Variants in MNAT1 observed in about 807,000 individuals in gnomAD.
MNAT1 encodes the protein MNAT1 component of CDK activating kinase.
MNAT1 carries 43 observed loss-of-function variants against 42.0 expected under a neutral mutation model. That is an observed-to-expected ratio of 1.02 (90% confidence interval 0.80 to 1.32). The LOEUF (loss-of-function observed/expected upper bound fraction) is 1.32. MNAT1 is among the 40% of genes most tolerant of loss of function. The pLI, the probability that MNAT1 is intolerant of heterozygous loss-of-function variation, is 0.00. For missense variants in MNAT1, 306 were observed against 350.4 expected, an observed-to-expected ratio of 0.87 and a Z score of 1.01; for synonymous variants, 118 against 120.0, an observed-to-expected ratio of 0.98 and a Z score of 0.11.
intron 6 of MNAT1, among the ~76,000 whole-genome samples, chr14:60,869,721 C>T (rs908334560): frequency 2.0e-5 from 3 of 152,074 alleles, no homozygotes; most frequent in Non-Finnish European, 4.4e-5. Flanking sequence ...TGGTATAGAA[C>T]TGGATTTTCA....
intron 7 of MNAT1, among the ~76,000 whole-genome samples, chr14:60,955,341 C>A (rs1457141072): frequency 6.6e-6 from 1 of 151,934 alleles, no homozygotes; most frequent in Non-Finnish European, 1.5e-5. Context: ...AGGTTCTAAG[C>A]TTTTCTTTAA....
At chr14:60,864,089 A>G (rs1042303103) in intron 6 of MNAT1, among the ~76,000 whole-genome samples, 5 of 152,162 alleles carry the variant, frequency 3.3e-5, no homozygotes, top group African/African-American at 9.6e-5. Context: ...AGGTTGTAGC[A>G]CATCTCAGTA....
chr14:60,790,926 C>G, intron 1 of MNAT1, among the ~76,000 whole-genome samples: 1 of 151,890 alleles, frequency 6.6e-6, no homozygotes, highest in Middle Eastern at 3.2e-3. Flanking sequence ...AGTGTTATTC[C>G]ATAAAGGATT....
At chr14:60,756,866 G>C (rs887877126) in intron 1 of MNAT1, among the ~76,000 whole-genome samples, 1 of 152,162 alleles carries the variant, frequency 6.6e-6, no homozygotes, top group Non-Finnish European at 1.5e-5. Context: ...CAATCATGCT[G>C]TCTTGTATTT....
intron 6 of MNAT1, among the ~76,000 whole-genome samples, chr14:60,868,690 A>G (rs891505281): frequency 2.0e-5 from 3 of 152,168 alleles, no homozygotes; most frequent in African/African-American, 7.2e-5. Context: ...TGAATGGATG[A>G]TGAATGCCAC....
At chr14:60,954,365 T>C (rs896465961) in intron 7 of MNAT1, among the ~76,000 whole-genome samples, 6 of 152,208 alleles carry the variant, frequency 3.9e-5, no homozygotes, top group Non-Finnish European at 8.8e-5. Context: ...GAATAAGGAA[T>C]ATTTTTTCAT....
chr14:60,780,949 C>A (rs2140314098), intron 1 of MNAT1, among the ~76,000 whole-genome samples: 1 of 152,134 alleles, frequency 6.6e-6, no homozygotes, highest in Admixed American at 6.5e-5. Context: ...TAGCTTGACT[C>A]AGTATAGGTA....
chr14:60,786,191 G>A (rs2031645439), intron 1 of MNAT1, among the ~76,000 whole-genome samples: 1 of 151,902 alleles, frequency 6.6e-6, no homozygotes, highest in South Asian at 2.1e-4. Context: ...CTTTAAAAGG[G>A]CCTTTATACA....
At chr14:60,813,324 C>A (rs955717706) in intron 5 of MNAT1, among the ~76,000 whole-genome samples, 1 of 152,192 alleles carries the variant, frequency 6.6e-6, no homozygotes, top group Admixed American at 6.5e-5. Context: ...GACTCACCCA[C>A]GTGCTCCCTC....
At chr14:60,872,236 C>T (rs1029346332) in intron 6 of MNAT1, among the ~76,000 whole-genome samples, 1 of 152,186 alleles carries the variant, frequency 6.6e-6, no homozygotes, top group Non-Finnish European at 1.5e-5. Context: ...CTCACGTGAA[C>T]TAATAGAGAA....
intron 7 of MNAT1, among the ~76,000 whole-genome samples, chr14:60,914,751 A>T (rs1274239619): frequency 6.6e-6 from 1 of 152,188 alleles, no homozygotes; most frequent in African/African-American, 2.4e-5. Flanking sequence ...GGAGATTTAA[A>T]AAAGATATCC....
At chr14:60,766,708 C>CA (rs1002181574) in intron 1 of MNAT1, among the ~76,000 whole-genome samples, 121 of 151,382 alleles carry the variant, frequency 8.0e-4, no homozygotes, top group African/African-American at 2.1e-3. Flanking sequence ...GACTCCGTCT[C>CA]AAAAAAAACA....
At chr14:60,780,040 C>T (rs901375773) in intron 1 of MNAT1, 8 of 1,524,438 alleles carry the variant, frequency 5.2e-6, no homozygotes, top group African/African-American at 2.7e-5. Context: ...AAATCGTGGA[C>T]GAGTTCTTCT....
intron 1 of MNAT1, among the ~76,000 whole-genome samples, chr14:60,783,998 T>C (rs536528803): frequency 7.7e-4 from 117 of 151,814 alleles, no homozygotes; most frequent in African/African-American, 2.8e-3. Context: ...TAATTTACTT[T>C]TATTTTTTAT....
chr14:60,812,176 A>C, intron 5 of MNAT1, 49 bp downstream of exon 5: 2 of 1,467,138 alleles, frequency 1.4e-6, no homozygotes, highest in Non-Finnish European at 1.8e-6. Flanking sequence ...TTCAGGATTT[A>C]CCTTTCCTAG....
At chr14:60,931,645 T>C (rs2035885252) in intron 7 of MNAT1, among the ~76,000 whole-genome samples, 1 of 152,210 alleles carries the variant, frequency 6.6e-6, no homozygotes, top group African/African-American at 2.4e-5. Flanking sequence ...TGTAGATACA[T>C]ATCGTAGACC....
At chr14:60,959,183 CAA>C (rs1002867136) in intron 7 of MNAT1, among the ~76,000 whole-genome samples, 2 of 152,164 alleles carry the variant, frequency 1.3e-5, no homozygotes, top group African/African-American at 4.8e-5. Context: ...CAGCAGCCAG[CAA>C]AAGCCTGTTA....
chr14:60,817,246 C>T (rs1357993567), intron 5 of MNAT1, among the ~76,000 whole-genome samples: 1 of 151,600 alleles, frequency 6.6e-6, no homozygotes, highest in Non-Finnish European at 1.5e-5. Context: ...TTATAAAATT[C>T]TTAATGTAAA....
At chr14:60,869,616 G>T (rs2034284536) in intron 6 of MNAT1, among the ~76,000 whole-genome samples, 1 of 152,086 alleles carries the variant, frequency 6.6e-6, no homozygotes, top group Admixed American at 6.5e-5. Context: ...TTGTGTTAAA[G>T]GATTTGCAGA....
Sources: allele counts gnomAD v4.1 joint callset (sites outside exome capture counted in the v4.1 genomes callset), GRCh38; gene constraint gnomAD v4.1.1; transcripts MANE v1.5; gene names NCBI Gene and HGNC (gene_info 2026-07-23, HGNC 2026-07-21).